Variants in TVP23A observed in about 807,000 individuals in gnomAD.
TVP23A encodes Golgi apparatus membrane protein TVP23 homolog A.
In TVP23A, 21 loss-of-function variants were observed where a neutral mutation model predicts 31.7. The ratio of observed to expected loss-of-function variants is 0.66; its 90% confidence interval spans 0.47 to 0.95. The LOEUF is 0.95. Ranked by LOEUF, TVP23A falls within the 40% of genes least tolerant of loss-of-function variation. The pLI is 0.00. For synonymous variants in TVP23A, 104 were observed against 96.0 expected, an observed-to-expected ratio of 1.08 and a Z score of -0.49; for missense variants, 279 against 255.6, an observed-to-expected ratio of 1.09 and a Z score of -0.62.
In TVP23A at chr16:10,818,548, C is replaced by G; in HGVS notation, c.-55G>C. Reference sequence around the variant, plus strand: ...GGCCCGGGGCTCCAGCTCCGCCCGTCGCCGCTGAAGGGGTCGGACGCCGGG... The same window carrying G: ...GGCCCGGGGCTCCAGCTCCGCCCGTGGCCGCTGAAGGGGTCGGACGCCGGG... On this transcript the variant is annotated 5_prime_UTR_variant, in exon 1 of 8. Coordinates refer to ENST00000299866, the MANE Select transcript of TVP23A (RefSeq NM_001079512.4). This position sits in a 1 kb window ranked among gnomAD's most constrained non-coding sequence, Gnocchi z 4.7. The G allele has an allele frequency of 1.3e-6, 2 of 1,585,080 alleles. No individual in the cohort carries two copies. The highest frequency in any genetic ancestry group is 1.1e-5 in the South Asian group (1 of 87,640).
chr16:10,803,268 T>TGTGTGTGTGTGTGTGTGCGTGTGC (rs1555485954), intron 2 of TVP23A, among the ~76,000 whole-genome samples: 3 of 151,420 alleles, frequency 2.0e-5, no homozygotes, highest in East Asian at 4.0e-4. Flanking sequence ...TGTGTGTGTG[T>TGTGTGTGTGTGTGTGTGCGTGTGC]GTGTGTGTGT....
chr16:10,780,097 GAATGAA>G (rs1567286474), intron 2 of TVP23A, among the ~76,000 whole-genome samples: 21 of 145,766 alleles, frequency 1.4e-4, no homozygotes, highest in African/African-American at 5.7e-4. Context: ...CAAAATGAAT[GAATGAA>G]TGAATGAATG....
chr16:10,804,799 G>A (rs1415476677), intron 2 of TVP23A, among the ~76,000 whole-genome samples: 1 of 152,082 alleles, frequency 6.6e-6, no homozygotes, highest in Non-Finnish European at 1.5e-5. Context: ...CCAATTTAGT[G>A]AAGTGAAATT....
chr16:10,781,026 T>A (rs1407108219), intron 2 of TVP23A, among the ~76,000 whole-genome samples: 1 of 152,120 alleles, frequency 6.6e-6, no homozygotes, highest in Non-Finnish European at 1.5e-5. Flanking sequence ...CCCAGCCACA[T>A]AGAAACCCAT....
intron 2 of TVP23A, among the ~76,000 whole-genome samples, chr16:10,797,895 TCA>T (rs2033478495): frequency 6.6e-6 from 1 of 151,918 alleles, no homozygotes; most frequent in African/African-American, 2.4e-5. Context: ...GACATGGGAT[TCA>T]CTGTATTATT....
intron 2 of TVP23A, 119 bp from the exon 3 acceptor site, chr16:10,775,215 C>A (rs774172619): frequency 4.7e-5 from 69 of 1,470,450 alleles, no homozygotes; most frequent in Non-Finnish European, 5.7e-5. Context: ...ATGTTCTCCC[C>A]GGTGCATATG....
intron 2 of TVP23A, among the ~76,000 whole-genome samples, chr16:10,813,061 C>T (rs1480297283): frequency 1.3e-5 from 2 of 152,194 alleles, no homozygotes; most frequent in African/African-American, 4.8e-5. Context: ...CACCGCAACA[C>T]TGCACCTCAC....
At chr16:10,815,826 C>A (rs116350851) in intron 2 of TVP23A, among the ~76,000 whole-genome samples, 185 of 152,290 alleles carry the variant, frequency 1.2e-3, no homozygotes, top group African/African-American at 4.2e-3. Flanking sequence ...CTAGAAGATT[C>A]TTTACCCAGG....
chr16:10,806,798 G>A (rs1246077484), intron 2 of TVP23A, among the ~76,000 whole-genome samples: 2 of 152,096 alleles, frequency 1.3e-5, no homozygotes, highest in South Asian at 2.1e-4. Flanking sequence ...CACCACACCT[G>A]GCCCTTCAGT....
intron 2 of TVP23A, among the ~76,000 whole-genome samples, chr16:10,809,136 G>C (rs943926358): frequency 6.6e-6 from 1 of 152,188 alleles, no homozygotes; most frequent in Non-Finnish European, 1.5e-5. Context: ...CAGGAGCCCT[G>C]CCAGGTCCCC....
chr16:10,762,718 G>A (rs2030155149), downstream of TVP23A, among the ~76,000 whole-genome samples: 2 of 152,074 alleles, frequency 1.3e-5, no homozygotes, highest in Admixed American at 1.3e-4. Context: ...CATTTGTCAG[G>A]GAACCAAGGC....
At chr16:10,762,297 C>A (rs530413087), downstream of TVP23A, among the ~76,000 whole-genome samples, 1 of 152,306 alleles carries the variant, frequency 6.6e-6, no homozygotes, top group South Asian at 2.1e-4. Context: ...GTCTCCAGCA[C>A]CGGGACAGAC....
At chr16:10,816,228 C>CAAAAAAAAAAAAAAAAAAA (rs760801777) in intron 2 of TVP23A, among the ~76,000 whole-genome samples, 2 of 73,828 alleles carry the variant, frequency 2.7e-5, no homozygotes, top group African/African-American at 7.5e-5. Flanking sequence ...AACCCTATCT[C>CAAAAAAAAAAAAAAAAAAA]AAAAAAAAAA....
intron 2 of TVP23A, among the ~76,000 whole-genome samples, chr16:10,792,474 C>A (rs1032937335): frequency 2.6e-5 from 4 of 152,206 alleles, no homozygotes; most frequent in Non-Finnish European, 2.9e-5. Flanking sequence ...CAACCCCACC[C>A]CCAGGCCTCC....
intron 2 of TVP23A, among the ~76,000 whole-genome samples, chr16:10,787,441 C>T (rs1039235375): frequency 1.3e-5 from 2 of 152,164 alleles, no homozygotes; most frequent in Non-Finnish European, 2.9e-5. Context: ...GCGGCTCCAT[C>T]TTCCCTTCTC....
intron 2 of TVP23A, among the ~76,000 whole-genome samples, chr16:10,813,145 G>C (rs961412786): frequency 1.3e-5 from 2 of 152,136 alleles, no homozygotes; most frequent in African/African-American, 2.4e-5. Context: ...ACCTGCCCCT[G>C]GCAGATGTTG....
chr16:10,776,919 T>C (rs2032065060), intron 2 of TVP23A, among the ~76,000 whole-genome samples: 1 of 152,170 alleles, frequency 6.6e-6, no homozygotes, highest in East Asian at 1.9e-4. Context: ...GTCACTCTCA[T>C]GGCCATCTTG....
chr16:10,769,826 ATCC>A (rs1434582642), intron 7 of TVP23A, among the ~76,000 whole-genome samples: 2 of 152,194 alleles, frequency 1.3e-5, no homozygotes, highest in African/African-American at 4.8e-5. Context: ...CTCTACGATC[ATCC>A]TCTTTGCCAT....
At chr16:10,790,791 G>A (rs187590576) in intron 2 of TVP23A, among the ~76,000 whole-genome samples, 3 of 152,114 alleles carry the variant, frequency 2.0e-5, no homozygotes, top group South Asian at 2.1e-4. Context: ...TGTAGTTTGC[G>A]GTAAAATACT....
Sources: allele counts gnomAD v4.1 joint callset (sites outside exome capture counted in the v4.1 genomes callset), GRCh38; gene constraint gnomAD v4.1.1; non-coding constraint Gnocchi (gnomAD v3.1); transcripts MANE v1.5; gene names NCBI Gene and HGNC (gene_info 2026-07-23, HGNC 2026-07-21).